YBX3: variants seen among roughly 807,000 people sequenced by gnomAD.
YBX3 encodes the protein Y-box binding protein 3.
A neutral mutation model predicts 42.4 loss-of-function variants in YBX3; 29 were observed. The ratio of observed to expected loss-of-function variants is 0.68; its 90% confidence interval spans 0.51 to 0.93. The LOEUF (loss-of-function observed/expected upper bound fraction) is 0.93. Ranked by LOEUF, YBX3 falls within the 40% of genes least tolerant of loss-of-function variation. YBX3 has a pLI of 0.00. For missense variants in YBX3, 517 were observed against 527.5 expected (o/e 0.98, Z 0.19); for synonymous variants, 195 against 189.8 (o/e 1.03, Z -0.22).
At chr12:10,703,062 G>A (rs1196578618) in intron 7 of YBX3, 5 of 152,138 alleles carry the variant, frequency 3.3e-5, no homozygotes. Flanking sequence ...TTTTGTTCCA[G>A]TAAGACATTT....
rs1424777844 is a variant in YBX3, at chr12:10,704,352, A to G, written c.781-204T>C. The G allele has an allele frequency of 1.1e-5, 5 of 473,874 alleles. No homozygotes were observed. In the East Asian group the frequency reaches 1.3e-4, roughly 12 times the overall value. The allele number at this position is 473,874 out of a possible 1,614,324, so 29.4% of individuals were successfully genotyped here. ...GGAAGACAAACCTAGTCTGACTAGA[A>G]TACTCATTTGCTTAGTCCCAGAGCA... On this transcript the variant is annotated intron_variant, in intron 6 of 9. Transcript: ENST00000228251.
chr12:10,705,034 C>G (rs1238520354), intron 6 of YBX3, among the ~76,000 whole-genome samples: 1 of 152,132 alleles, frequency 6.6e-6, no homozygotes, highest in African/African-American at 2.4e-5. Flanking sequence ...CCCTTTATAG[C>G]AAAAACACCG....
Position 10,710,071 on chromosome 12 carries a change from C to A in YBX3, c.617G>T (p.Gly206Val). 1 of 1,614,028 alleles carries A rather than the reference C, an allele frequency of 6.2e-7. No individual in the cohort carries two copies. The highest frequency in any genetic ancestry group is 8.5e-7 in the Non-Finnish European group (1 of 1,179,988). ...CCTATCAGTGGCAGGGGGGTCAAAT[C>A]CTTCACTGCTGCCGCTCCCTTCCTC... ...EEEEGSGSSEGFDPPATDRQF... is the reference protein window; with the variant it reads ...EEEEGSGSSEVFDPPATDRQF... The change falls in exon 6 of 10, where the codon GGA (glycine) becomes GTA (valine). Residue 206 changes from glycine to valine, a missense_variant. This residue lies in a region of YBX3 where 420 missense variants were observed against 408.5 expected (regional missense o/e 1.03). Transcript: ENST00000228251.
At chr12:10,721,814 CTGTTTA>C (rs1217421191) in intron 1 of YBX3, 4 of 152,174 alleles carry the variant, frequency 2.6e-5, no homozygotes, top group African/African-American at 9.7e-5. Flanking sequence ...GTTAACGTTC[CTGTTTA>C]TAAGAGCGAA....
At chr12:10,716,532 T>C (rs1181445054) in intron 3 of YBX3, among the ~76,000 whole-genome samples, 1 of 152,246 alleles carries the variant, frequency 6.6e-6, no homozygotes, top group African/African-American at 2.4e-5. Context: ...TATCTGCTTA[T>C]GAATAGGTGC....
At chr12:10,713,108 G>T (rs1948218085) in intron 5 of YBX3, 103 bp downstream of exon 5, 1 of 1,301,622 alleles carries the variant, frequency 7.7e-7, no homozygotes, top group East Asian at 2.6e-5. Context: ...TAAATCATTT[G>T]TCTCCAGGAG....
chr12:10,719,634 C>A (rs768914368), intron 1 of YBX3, among the ~76,000 whole-genome samples: 1 of 152,212 alleles, frequency 6.6e-6, no homozygotes, highest in Non-Finnish European at 1.5e-5. Flanking sequence ...AGCAACTTGT[C>A]CAGTCGCCAA....
chr12:10,703,515 A>G (rs1184612144), intron 7 of YBX3: 1 of 410,802 alleles, frequency 2.4e-6, no homozygotes, highest in South Asian at 1.8e-5. Context: ...TCTTAGCTGC[A>G]TTAGTACCTT....
intron 3 of YBX3, among the ~76,000 whole-genome samples, chr12:10,717,498 A>G (rs1484375261): frequency 6.6e-6 from 1 of 152,262 alleles, no homozygotes; most frequent in Non-Finnish European, 1.5e-5. Flanking sequence ...AGGCACCTAT[A>G]GCAGAGAAGC....
chr12:10,722,819 G>C (rs749866014), intron 1 of YBX3, 31 bp downstream of exon 1: 40 of 1,419,652 alleles, frequency 2.8e-5, no homozygotes, highest in African/African-American at 1.3e-4. Context: ...GCCCCACTAC[G>C]GCAGCCCCTG....
rs1281502712 is a variant in YBX3 at position 10,723,112 on chromosome 12, GCCT to G, written c.-4_-2del. ...TGGTGGCCTCGCCCGCCTCACTCAT[GCCT>G]CCTCCTCCTCTGCTCTCGCTCAGGC... On this transcript the variant is annotated 5_prime_UTR_variant, in exon 1 of 10. Coordinates refer to ENST00000228251, the MANE Select transcript of YBX3 (RefSeq NM_003651.5). The G allele has an allele frequency of 1.2e-5, 15 of 1,204,854 alleles. No homozygotes were observed. Among genetic ancestry groups the G allele is most frequent in the East Asian group, 1.0e-4 (3 of 29,080 alleles). The allele number at this position is 1,204,854 out of a possible 1,614,324, so 74.6% of individuals were successfully genotyped here.
intron 4 of YBX3, among the ~76,000 whole-genome samples, chr12:10,714,549 C>T (rs534574225): frequency 6.6e-6 from 1 of 152,260 alleles, no homozygotes; most frequent in African/African-American, 2.4e-5. Flanking sequence ...TTCACCCGGA[C>T]GAAGCTATCT....
At chr12:10,700,623 T>C (rs1266232942) in intron 9 of YBX3, among the ~76,000 whole-genome samples, 1 of 152,212 alleles carries the variant, frequency 6.6e-6, no homozygotes. Context: ...CCATACCCTA[T>C]TGTAAACACT....
intron 4 of YBX3, 132 bp downstream of exon 4, chr12:10,715,562 G>T: frequency 2.4e-6 from 2 of 820,500 alleles, no homozygotes; most frequent in Non-Finnish European, 4.0e-6. Flanking sequence ...AAAAAATTCT[G>T]TTTAAAAGTC....
intron 7 of YBX3, chr12:10,702,341 T>G (rs1318683019): frequency 1.5e-5 from 5 of 331,692 alleles, no homozygotes; most frequent in Non-Finnish European, 2.7e-5. Flanking sequence ...GCCAACATGG[T>G]GAAACTCCAT....
chr12:10,703,903 C>T, intron 7 of YBX3, 148 bp downstream of exon 7: 1 of 665,048 alleles, frequency 1.5e-6, no homozygotes, highest in Non-Finnish European at 2.6e-6. Context: ...GGAAATGTCA[C>T]ACCACCACCT....
intron 4 of YBX3, among the ~76,000 whole-genome samples, chr12:10,715,184 T>G (rs1948246278): frequency 6.6e-6 from 1 of 152,148 alleles, no homozygotes; most frequent in African/African-American, 2.4e-5. Flanking sequence ...ATAATCAGAG[T>G]TGATCATTTA....
intron 5 of YBX3, chr12:10,712,227 G>A (rs1948208382): frequency 6.6e-6 from 1 of 152,228 alleles, no homozygotes; most frequent in African/African-American, 2.4e-5. Flanking sequence ...TCACAATCCT[G>A]TGCTGACAAA....
intron 2 of YBX3, 64 bp from the exon 3 acceptor site, chr12:10,718,185 T>C (rs1412805363): frequency 6.7e-7 from 1 of 1,481,940 alleles, no homozygotes; most frequent in Non-Finnish European, 9.3e-7. Context: ...TAAAAGAACC[T>C]ATGTGTTATG....
Sources: gnomAD v4.1 joint callset for allele counts (sites outside exome capture counted in the v4.1 genomes callset) on GRCh38, gnomAD v4.1.1 for gene constraint, gnomAD v4.1.1 regional missense constraint, MANE v1.5 for transcripts, NCBI Gene and HGNC (gene_info 2026-07-23, HGNC 2026-07-21) for gene names.